Variants in HIRA observed in about 807,000 individuals in gnomAD.
The protein encoded by HIRA is histone cell cycle regulator.
Under a neutral mutation model 126.6 loss-of-function variants are expected in HIRA, and 13 were observed. That is an observed-to-expected ratio of 0.10 (90% CI 0.07 to 0.16). HIRA has a LOEUF of 0.16. HIRA is among the 10% of genes least tolerant of loss of function. The probability of loss-of-function intolerance (pLI) is 1.00; values close to 1 mark genes in which losing one functional copy is unlikely to be tolerated. For missense variants in HIRA, 834 were observed against 1,314.4 expected (o/e 0.63, Z 5.65); for synonymous variants, 511 against 520.0 (o/e 0.98, Z 0.24).
At chr22:19,426,183 C>T (rs9618567) in intron 1 of HIRA, among the ~76,000 whole-genome samples, 11,638 of 152,192 alleles carry the variant, frequency 0.076, 500 homozygotes, top group Middle Eastern at 0.17. Flanking sequence ...CCCTGAGCAT[C>T]TCACCAAGAC....
chr22:19,403,498 G>C (rs761599674), intron 5 of HIRA, among the ~76,000 whole-genome samples: 1 of 152,142 alleles, frequency 6.6e-6, no homozygotes, highest in Non-Finnish European at 1.5e-5. Flanking sequence ...TGTAGTCCCA[G>C]CTACTCAGGA....
chr22:19,355,741 T>A lies in HIRA; in HGVS notation c.2561+19A>T. On this transcript the variant is annotated intron_variant, in intron 21 of 24. Transcript: ENST00000263208. ...CAGACACTCTTCCAGGGAATAGGAC[T>A]GGGGGTCAGCTTGCTTACCATGTGG... 1 of 1,547,400 alleles carries A rather than the reference T, an allele frequency of 6.5e-7. No homozygotes were observed. Among genetic ancestry groups the A allele is most frequent in the South Asian group, 1.1e-5 (1 of 89,596 alleles).
At chr22:19,397,197 G>GGCCCTGCCTATGGCT (rs2089231104) in intron 6 of HIRA, among the ~76,000 whole-genome samples, 1 of 152,142 alleles carries the variant, frequency 6.6e-6, no homozygotes, top group Non-Finnish European at 1.5e-5. Flanking sequence ...TGTATCTAGC[G>GGCCCTGCCTATGGCT]GCCCTGCCTA....
chr22:19,348,355 A>C (rs2088711437), intron 24 of HIRA, among the ~76,000 whole-genome samples: 1 of 152,248 alleles, frequency 6.6e-6, no homozygotes, highest in Non-Finnish European at 1.5e-5. Context: ...ATTTATAGGC[A>C]ACGGAAATAG....
At chr22:19,343,800 G>T (rs2088657307) in intron 24 of HIRA, among the ~76,000 whole-genome samples, 3 of 151,278 alleles carry the variant, frequency 2.0e-5, no homozygotes, top group Non-Finnish European at 2.9e-5. Context: ...GGTGGTGCAC[G>T]CCTGTAATCC....
chr22:19,429,366 G>A (rs1428315370), intron 1 of HIRA, among the ~76,000 whole-genome samples: 2 of 152,066 alleles, frequency 1.3e-5, no homozygotes, highest in Non-Finnish European at 2.9e-5. Flanking sequence ...TCGATCTCTT[G>A]ACCTCGTGAT....
chr22:19,344,792 T>C (rs893676470), intron 24 of HIRA, among the ~76,000 whole-genome samples: 1 of 152,046 alleles, frequency 6.6e-6, no homozygotes, highest in African/African-American at 2.4e-5. Flanking sequence ...CATGACCAAG[T>C]GGGATTTATT....
At chr22:19,346,846 T>C (rs2088692221) in intron 24 of HIRA, among the ~76,000 whole-genome samples, 2 of 152,168 alleles carry the variant, frequency 1.3e-5, no homozygotes, top group Non-Finnish European at 2.9e-5. Context: ...CAGGTGACTC[T>C]GGGAGGGGAA....
chr22:19,398,383 G>A (rs2089240534), intron 5 of HIRA, among the ~76,000 whole-genome samples: 1 of 152,214 alleles, frequency 6.6e-6, no homozygotes, highest in East Asian at 1.9e-4. Flanking sequence ...CTGTGGCCTG[G>A]AGCATGCTCC....
intron 7 of HIRA, among the ~76,000 whole-genome samples, chr22:19,395,431 G>A (rs896958677): frequency 7.2e-5 from 11 of 152,122 alleles, no homozygotes; most frequent in African/African-American, 2.7e-4. Context: ...GCCGTCCCTA[G>A]GAGTCCACCT....
At chr22:19,380,539 T>C (rs969508376) in intron 13 of HIRA, among the ~76,000 whole-genome samples, 2 of 152,226 alleles carry the variant, frequency 1.3e-5, no homozygotes, top group Non-Finnish European at 2.9e-5. Context: ...CTGGTGGGGC[T>C]AGTCTTCCCT....
intron 17 of HIRA, among the ~76,000 whole-genome samples, chr22:19,359,988 G>A (rs866696059): frequency 4.5e-4 from 69 of 152,176 alleles, no homozygotes; most frequent in African/African-American, 1.6e-3. Flanking sequence ...GTGGTGGTGA[G>A]ACTTGGTCTG....
intron 11 of HIRA, among the ~76,000 whole-genome samples, chr22:19,386,894 C>A (rs747370205): frequency 1.3e-5 from 2 of 152,214 alleles, no homozygotes; most frequent in Non-Finnish European, 2.9e-5. Context: ...GACCTCTCCC[C>A]CAAAGGGGTT....
chr22:19,345,468 C>A (rs189699473), intron 24 of HIRA, among the ~76,000 whole-genome samples: 107 of 152,340 alleles, frequency 7.0e-4, no homozygotes, highest in African/African-American at 2.3e-3. Flanking sequence ...TAATCACCAC[C>A]TCTCTGGCCA....
intron 4 of HIRA, among the ~76,000 whole-genome samples, chr22:19,406,763 T>C (rs1422662080): frequency 6.6e-6 from 1 of 152,226 alleles, no homozygotes; most frequent in Non-Finnish European, 1.5e-5. Context: ...GAGCAGAGGC[T>C]GCCCCAGGTG....
chr22:19,416,500 T>C lies in HIRA; in HGVS notation c.38-5722A>G, dbSNP rs553869682. On this transcript the variant is annotated intron_variant, in intron 1 of 24. Transcript: ENST00000263208. ...CACGCCTGGTGCGCACCACCACGCC[T>C]GGCTAATTTTTGTATTTCTTGTAGA... is the stretch of plus-strand genomic sequence containing the variant. Among the ~76,000 whole-genome samples the C allele has an allele frequency of 5.5e-4, 84 of 152,146 alleles. 1 individual carries two copies. In the South Asian group the frequency reaches 0.016, roughly 30 times the overall value.
rs57388615 is a variant in HIRA at position 19,420,481 on chromosome 22, A to AAAC, written c.38-9704_38-9703insGTT. On this transcript the variant is annotated intron_variant, in intron 1 of 24. Transcript: ENST00000263208. ...CTGTCTCAAAAAAAAAAAAAAAAAA[A>AAAC]CCAAACCAAAACAAAAAACAAACAA... Among the ~76,000 whole-genome samples, 53 of 148,650 alleles carry AAAC rather than the reference A, an allele frequency of 3.6e-4. No homozygotes were observed. The South Asian group carries it at 9.9e-3, about 28-fold the overall frequency.
chr22:19,388,638 A>T (rs2089149327), intron 9 of HIRA, 84 bp from the exon 10 acceptor site: 1 of 1,038,110 alleles, frequency 9.6e-7, no homozygotes, highest in African/African-American at 1.6e-5. Context: ...CCAACCTAGA[A>T]GCCTGGGTCA....
chr22:19,341,110 G>A (rs1270056550), intron 24 of HIRA, among the ~76,000 whole-genome samples: 3 of 152,058 alleles, frequency 2.0e-5, no homozygotes, highest in Admixed American at 2.0e-4. Flanking sequence ...GAGCCCAGGA[G>A]TTCGAAACCA....
Sources: allele counts gnomAD v4.1 joint callset (sites outside exome capture counted in the v4.1 genomes callset), GRCh38; gene constraint gnomAD v4.1.1; transcripts MANE v1.5; gene names NCBI Gene and HGNC (gene_info 2026-07-23, HGNC 2026-07-21).